RORA: variants seen among roughly 807,000 people sequenced by gnomAD.
RORA encodes the protein nuclear receptor ROR-alpha.
In RORA, 7 loss-of-function variants were observed where a neutral mutation model predicts 69.5. The ratio of observed to expected loss-of-function variants is 0.10; its 90% confidence interval spans 0.06 to 0.19. The LOEUF (loss-of-function observed/expected upper bound fraction) is 0.19, where lower values mean the gene tolerates loss of function less well. Ranked by LOEUF, RORA falls within the 10% of genes least tolerant of loss-of-function variation. The probability of loss-of-function intolerance (pLI) is 1.00; values close to 1 mark genes in which losing one functional copy is unlikely to be tolerated. For synonymous variants in RORA, 261 were observed against 240.8 expected (o/e 1.08, Z -0.78); for missense variants, 457 against 663.0 (o/e 0.69, Z 3.41).
At chr15:61,137,323 T>C (rs950742354) in intron 1 of RORA, among the ~76,000 whole-genome samples, 2 of 152,196 alleles carry the variant, frequency 1.3e-5, no homozygotes, top group East Asian at 1.9e-4. Context: ...CAACAGCAGT[T>C]ATAGCTCTAA....
Position 60,678,706 on chromosome 15 carries a change from A to G in RORA, c.167-20T>C. The G allele has an allele frequency of 6.2e-7, 1 of 1,607,688 alleles. No individual in the cohort carries two copies. Among genetic ancestry groups the G allele is most frequent in the Non-Finnish European group, 8.5e-7 (1 of 1,174,202 alleles). On this transcript the variant is annotated intron_variant, in intron 1 of 10. Transcript: ENST00000335670. Reference sequence around the variant, plus strand: ...AGATACCTGGAAGAGAAGAAACAATAACATAGGTTAGAAAGTGCCCTGTGT... The same window carrying G: ...AGATACCTGGAAGAGAAGAAACAATGACATAGGTTAGAAAGTGCCCTGTGT...
At chr15:60,549,780 T>C (rs1352470036) in intron 2 of RORA, among the ~76,000 whole-genome samples, 1 of 152,050 alleles carries the variant, frequency 6.6e-6, no homozygotes, top group Non-Finnish European at 1.5e-5. Context: ...AAACAAACAA[T>C]AAAATTCATA....
intron 1 of RORA, among the ~76,000 whole-genome samples, chr15:60,986,546 T>G (rs899011719): frequency 1.3e-5 from 2 of 152,220 alleles, no homozygotes; most frequent in African/African-American, 2.4e-5. Context: ...GAGAAGCTGG[T>G]AACTGTCTTT....
At chr15:61,138,630 T>C (rs953760655) in intron 1 of RORA, among the ~76,000 whole-genome samples, 6 of 152,084 alleles carry the variant, frequency 3.9e-5, no homozygotes, top group Admixed American at 3.3e-4. Context: ...TTGTACCCCA[T>C]AGATAGAGAA....
intron 2 of RORA, among the ~76,000 whole-genome samples, chr15:60,571,797 C>A (rs773996510): frequency 6.6e-6 from 1 of 152,160 alleles, no homozygotes; most frequent in Non-Finnish European, 1.5e-5. Context: ...TCACCTTCTA[C>A]GATGAAAATT....
At chr15:61,108,543 T>C (rs1343423427) in intron 1 of RORA, among the ~76,000 whole-genome samples, 4 of 152,206 alleles carry the variant, frequency 2.6e-5, no homozygotes, top group African/African-American at 9.6e-5. Context: ...AGTTGAGTAG[T>C]TGTAAGAAAG....
intron 2 of RORA, chr15:60,678,163 C>T (rs1230745812): frequency 6.5e-6 from 1 of 152,934 alleles, no homozygotes; most frequent in African/African-American, 2.4e-5. Flanking sequence ...TGCCATTTAT[C>T]AGGGCCCTCG....
chr15:60,823,158 C>A (rs1377069009), intron 1 of RORA, among the ~76,000 whole-genome samples: 2 of 136,098 alleles, frequency 1.5e-5, no homozygotes, highest in African/African-American at 5.4e-5. Context: ...TCCTTTCTTT[C>A]ATTTTCTCCC....
intron 1 of RORA, among the ~76,000 whole-genome samples, chr15:60,703,825 A>G (rs1239488590): frequency 6.6e-6 from 1 of 152,012 alleles, no homozygotes; most frequent in Non-Finnish European, 1.5e-5. Context: ...ACCTGAAAAC[A>G]CAGTACCTGG....
intron 1 of RORA, among the ~76,000 whole-genome samples, chr15:61,212,710 C>A (rs1258889338): frequency 6.6e-6 from 1 of 152,114 alleles, no homozygotes; most frequent in Non-Finnish European, 1.5e-5. Flanking sequence ...CTTTTTTACA[C>A]CTTATGTAGA....
chr15:61,032,983 C>T (rs1168075423), intron 1 of RORA, among the ~76,000 whole-genome samples: 2 of 152,150 alleles, frequency 1.3e-5, no homozygotes, highest in Non-Finnish European at 2.9e-5. Flanking sequence ...CTTTATGATA[C>T]TTACTCCTCA....
chr15:60,548,787 ACC>A (rs2067147647), intron 2 of RORA, among the ~76,000 whole-genome samples: 1 of 152,054 alleles, frequency 6.6e-6, no homozygotes, highest in Non-Finnish European at 1.5e-5. Flanking sequence ...ACAGGCGCCC[ACC>A]ACCATGCCTG....
At chr15:60,916,914 C>T (rs973169866) in intron 1 of RORA, among the ~76,000 whole-genome samples, 1 of 152,332 alleles carries the variant, frequency 6.6e-6, no homozygotes, top group Non-Finnish European at 1.5e-5. Context: ...TATTTCTCAA[C>T]CAACATCCTT....
At chr15:60,725,471 G>T (rs2071344848) in intron 1 of RORA, among the ~76,000 whole-genome samples, 1 of 152,126 alleles carries the variant, frequency 6.6e-6, no homozygotes, top group Admixed American at 6.5e-5. Context: ...ATATTTAGGG[G>T]GTAGATGAGA....
At chr15:60,587,742 AT>A (rs1327753228) in intron 2 of RORA, among the ~76,000 whole-genome samples, 1 of 152,188 alleles carries the variant, frequency 6.6e-6, no homozygotes, top group East Asian at 1.9e-4. Context: ...TCTTGACATT[AT>A]TTTTTATACC....
chr15:60,583,882 C>T (rs1179716319), intron 2 of RORA, among the ~76,000 whole-genome samples: 2 of 152,166 alleles, frequency 1.3e-5, no homozygotes, highest in African/African-American at 2.4e-5. Flanking sequence ...GGGTTAGCCC[C>T]GAGCAGTGGT....
At position 61,053,863 on chromosome 15, in the gene RORA, A is replaced by ATATATATATATATATATATATATATATAT. The variant is rs1555406156; in HGVS notation, c.166+175189_166+175190insATATATATATATATATATATATATATATA. Among the ~76,000 whole-genome samples, 139 of 137,016 alleles carry ATATATATATATATATATATATATATATAT rather than the reference A, an allele frequency of 1.0e-3. 2 individuals are homozygous for ATATATATATATATATATATATATATATAT. The highest frequency in any genetic ancestry group is 1.2e-3 in the Non-Finnish European group (76 of 62,922). The allele number at this position is 137,016 out of a possible 152,430, so 89.9% of individuals were successfully genotyped here. ...TAGACTTCATGATATATATATATAT[A>ATATATATATATATATATATATATATATAT]AACATTCTTCAGGGAGGGTTTCCTT... On this transcript the variant is annotated intron_variant, in intron 1 of 10. Transcript: ENST00000335670.
In RORA at chr15:60,849,653, C is replaced by T. The variant is rs554690822; in HGVS notation, c.167-170967G>A. Among the ~76,000 whole-genome samples, 11 of 152,202 alleles carry T rather than the reference C, an allele frequency of 7.2e-5. No homozygotes were observed. The South Asian group carries it at 8.3e-4, about 11-fold the overall frequency. ...GATAAACCAGCCTGCAAAACAACAG[C>T]GAAGATAAGGGTCTGATTTGCAATG... is the stretch of plus-strand genomic sequence containing the variant. On this transcript the variant is annotated intron_variant, in intron 1 of 10. Transcript: ENST00000335670.
chr15:60,604,105 C>G (rs894819623), intron 2 of RORA, among the ~76,000 whole-genome samples: 1 of 146,260 alleles, frequency 6.8e-6, no homozygotes, highest in Non-Finnish European at 1.5e-5. Flanking sequence ...TGCACTCCAG[C>G]CTGGGTGACA....
Sources: gnomAD v4.1 joint callset for allele counts (sites outside exome capture counted in the v4.1 genomes callset) on GRCh38, gnomAD v4.1.1 for gene constraint, MANE v1.5 for transcripts, NCBI Gene and HGNC (gene_info 2026-07-23, HGNC 2026-07-21) for gene names.